TOP6BL: variants seen among roughly 807,000 people sequenced by gnomAD.
TOP6BL encodes the protein TOP6B like initiator of meiotic double strand breaks.
the TOP6BL span, chr11:66,801,082 C>T: frequency 7.4e-6 from 12 of 1,613,742 alleles, 1 homozygote; most frequent in Middle Eastern, 1.6e-4. Flanking sequence ...CTCTTTTGGT[C>T]GACTCCCAGC....
the TOP6BL span, among the ~76,000 whole-genome samples, chr11:66,753,497 C>A: frequency 1.3e-5 from 2 of 151,424 alleles, no homozygotes; most frequent in Non-Finnish European, 2.9e-5. Flanking sequence ...AGCTCCACCC[C>A]CTGGGTTCAC....
the TOP6BL span, among the ~76,000 whole-genome samples, chr11:66,814,558 C>T: frequency 5.1e-4 from 78 of 152,086 alleles, 4 homozygotes; most frequent in Non-Finnish European, 1.0e-4. Flanking sequence ...CCACCGCACC[C>T]GGCCTGGCAT....
chr11:66,802,309 C>T, the TOP6BL span, among the ~76,000 whole-genome samples: 4 of 152,048 alleles, frequency 2.6e-5, no homozygotes, highest in Non-Finnish European at 4.4e-5. Context: ...CATGCCACCA[C>T]GCCCAGCTAA....
chr11:66,753,641 C>T, the TOP6BL span, among the ~76,000 whole-genome samples: 4 of 151,882 alleles, frequency 2.6e-5, no homozygotes, highest in Non-Finnish European at 5.9e-5. Flanking sequence ...CTCCTGACCT[C>T]GTGATCCACC....
the TOP6BL span, among the ~76,000 whole-genome samples, chr11:66,805,672 C>T: frequency 1.3e-5 from 2 of 152,106 alleles, no homozygotes; most frequent in African/African-American, 4.8e-5. Context: ...CCAGGCTGGT[C>T]TCAAACTCCT....
the TOP6BL span, among the ~76,000 whole-genome samples, chr11:66,784,085 T>C: frequency 6.6e-6 from 1 of 151,994 alleles, no homozygotes; most frequent in East Asian, 1.9e-4. Context: ...GGCTGGAGTG[T>C]AGTGGCGCGA....
the TOP6BL span, chr11:66,843,377 G>GTGGAGCCGCGCCGCGGCC: frequency 1.1e-5 from 16 of 1,434,910 alleles, no homozygotes; most frequent in East Asian, 4.0e-4. Flanking sequence ...GGGGCGGGGC[G>GTGGAGCCGCGCCGCGGCC]TGGAGCCGCG....
At chr11:66,788,183 ATC>A in the TOP6BL span, 11 of 1,613,814 alleles carry the variant, frequency 6.8e-6, no homozygotes, top group Non-Finnish European at 9.3e-6. Flanking sequence ...ACTGCCCGGA[ATC>A]TCTGCAAAGC....
the TOP6BL span, chr11:66,804,049 A>G: frequency 6.2e-7 from 1 of 1,614,024 alleles, no homozygotes; most frequent in Non-Finnish European, 8.5e-7. Flanking sequence ...ACCCTGTGCT[A>G]GGACATCCAG....
At chr11:66,811,583 A>T in the TOP6BL span, among the ~76,000 whole-genome samples, 1 of 152,354 alleles carries the variant, frequency 6.6e-6, no homozygotes, top group East Asian at 1.9e-4. Context: ...TGGAAATAAA[A>T]CCTGTGACAA....
chr11:66,826,509 C>T, the TOP6BL span, among the ~76,000 whole-genome samples: 1 of 152,072 alleles, frequency 6.6e-6, no homozygotes, highest in East Asian at 1.9e-4. Context: ...GTGTATAACA[C>T]ATTTATAAGC....
At chr11:66,803,992 C>A in the TOP6BL span, 7 of 1,596,490 alleles carry the variant, frequency 4.4e-6, no homozygotes, top group East Asian at 1.1e-4. Flanking sequence ...TGTTTTCTGA[C>A]AGTAGACCAA....
At chr11:66,842,899 A>C in the TOP6BL span, 3 of 1,573,988 alleles carry the variant, frequency 1.9e-6, no homozygotes, top group South Asian at 2.3e-5. Context: ...CAGCCCCCGC[A>C]TAGAGGAGAT....
the TOP6BL span, among the ~76,000 whole-genome samples, chr11:66,754,334 T>A: frequency 6.6e-6 from 1 of 152,208 alleles, no homozygotes; most frequent in Non-Finnish European, 1.5e-5. Context: ...TTTTTCCTTT[T>A]TAAAATCGTT....
chr11:66,838,893 G>A, the TOP6BL span, among the ~76,000 whole-genome samples: 3 of 152,042 alleles, frequency 2.0e-5, no homozygotes, highest in South Asian at 2.1e-4. Flanking sequence ...CATCACGCCC[G>A]GCTAAATTTT....
chr11:66,749,718 T>C, the TOP6BL span, among the ~76,000 whole-genome samples: 1 of 152,014 alleles, frequency 6.6e-6, no homozygotes. Flanking sequence ...GCTGCCACCA[T>C]GCCTGGCTAA....
chr11:66,744,811 TGAGGAGGGGGCGGCG>T, the TOP6BL span: 1 of 1,205,902 alleles, frequency 8.3e-7, no homozygotes, highest in Non-Finnish European at 1.1e-6. Context: ...AAGCCCGGGC[TGAGGAGGGGGCGGCG>T]GCGGCGGCGG....
chr11:66,814,311 T>C, the TOP6BL span, among the ~76,000 whole-genome samples: 32 of 152,018 alleles, frequency 2.1e-4, 1 homozygote, highest in Admixed American at 4.6e-4. Context: ...CAGGCTGGAG[T>C]GCAGTGGTAT....
chr11:66,811,126 CAT>C, the TOP6BL span, among the ~76,000 whole-genome samples: 1 of 151,968 alleles, frequency 6.6e-6, no homozygotes, highest in Non-Finnish European at 1.5e-5. Context: ...GCTAATTTTG[CAT>C]GTGTGTGTGT....
Sources: allele counts gnomAD v4.1 joint callset (sites outside exome capture counted in the v4.1 genomes callset), GRCh38; gene constraint gnomAD v4.1.1; transcripts MANE v1.5; gene names NCBI Gene and HGNC (gene_info 2026-07-23, HGNC 2026-07-21).